Variants in ALK observed in about 807,000 individuals in gnomAD.
ALK encodes ALK tyrosine kinase receptor.
In ALK, 74 loss-of-function variants were observed where a neutral mutation model predicts 163.1. The observed-to-expected ratio is 0.45, with a 90% CI of 0.38 to 0.55. The LOEUF is 0.55. Among genes scored for constraint, ALK ranks in the 20% least tolerant of loss-of-function variants. ALK has a pLI of 0.00. For missense variants in ALK, 2,063 were observed against 2,105.3 expected (o/e 0.98, Z 0.39); for synonymous variants, 960 against 843.2 (o/e 1.14, Z -2.40).
At chr2:29,668,199 T>A (rs1335428818) in intron 3 of ALK, among the ~76,000 whole-genome samples, 1 of 152,004 alleles carries the variant, frequency 6.6e-6, no homozygotes, top group Admixed American at 6.6e-5. Flanking sequence ...TAGATAAATG[T>A]CAATTTTGTT....
At chr2:29,446,708 C>G (rs998782131) in intron 4 of ALK, among the ~76,000 whole-genome samples, 4 of 152,092 alleles carry the variant, frequency 2.6e-5, no homozygotes, top group African/African-American at 9.7e-5. Context: ...TTTTTGAAAG[C>G]ACTATGCAAA....
chr2:29,909,112 A>C (rs1667629249), intron 1 of ALK, among the ~76,000 whole-genome samples: 1 of 152,220 alleles, frequency 6.6e-6, no homozygotes, highest in Admixed American at 6.5e-5. Flanking sequence ...CTAGATCCCA[A>C]AGCTTATCAT....
At chr2:29,898,720 CTTTG>C (rs923547592) in intron 1 of ALK, among the ~76,000 whole-genome samples, 10 of 152,172 alleles carry the variant, frequency 6.6e-5, no homozygotes, top group African/African-American at 2.4e-4. Context: ...ACATGGTAAG[CTTTG>C]GGTGTACCCA....
chr2:29,347,111 T>C (rs970064448), intron 5 of ALK, among the ~76,000 whole-genome samples: 11 of 152,218 alleles, frequency 7.2e-5, no homozygotes, highest in African/African-American at 1.4e-4. Context: ...AACAACTCTA[T>C]GACATGGAAC....
At chr2:29,705,262 T>TATATATATATATATATATATATAA (rs1678868365) in intron 2 of ALK, among the ~76,000 whole-genome samples, 1 of 73,110 alleles carries the variant, frequency 1.4e-5, no homozygotes, top group Non-Finnish European at 3.0e-5. Context: ...TATATATATA[T>TATATATATATATATATATATATAA]ATATATATAT....
chr2:29,285,579 T>TC (rs1162343474), intron 9 of ALK, among the ~76,000 whole-genome samples: 1 of 150,308 alleles, frequency 6.7e-6, no homozygotes, highest in Non-Finnish European at 1.5e-5. Context: ...CTTTTTTTTT[T>TC]TGGAATGGAG....
intron 3 of ALK, among the ~76,000 whole-genome samples, chr2:29,623,283 T>G (rs1262535225): frequency 6.6e-6 from 1 of 152,160 alleles, no homozygotes; most frequent in Non-Finnish European, 1.5e-5. Flanking sequence ...TTACTTAAAA[T>G]AGAAATGCCT....
intron 3 of ALK, among the ~76,000 whole-genome samples, chr2:29,534,544 G>A (rs976832552): frequency 6.6e-6 from 1 of 152,134 alleles, no homozygotes; most frequent in Non-Finnish European, 1.5e-5. Context: ...ACTGTGTCCT[G>A]GTCTGAGACC....
intron 3 of ALK, among the ~76,000 whole-genome samples, chr2:29,657,978 A>G (rs1038653244): frequency 4.6e-5 from 7 of 152,088 alleles, no homozygotes; most frequent in East Asian, 3.9e-4. Context: ...GTCTCACTCA[A>G]CTGAACAGCT....
chr2:29,725,154 C>CCAAAAAAAAAA (rs1553352985), intron 1 of ALK, among the ~76,000 whole-genome samples: 1 of 67,396 alleles, frequency 1.5e-5, no homozygotes, highest in African/African-American at 6.8e-5. Context: ...TATCCTATAC[C>CCAAAAAAAAAA]AAAAAAAAAA....
At chr2:29,760,313 G>C (rs1421229379) in intron 1 of ALK, among the ~76,000 whole-genome samples, 1 of 152,064 alleles carries the variant, frequency 6.6e-6, no homozygotes, top group Non-Finnish European at 1.5e-5. Flanking sequence ...TTACTAACTG[G>C]GCAACTCCAG....
intron 4 of ALK, among the ~76,000 whole-genome samples, chr2:29,421,263 T>C (rs76708937): frequency 0.029 from 4,439 of 151,568 alleles, 395 homozygotes; most frequent in African/African-American, 0.099. Context: ...AGCCTTAGTT[T>C]AGCTCCAAGT....
intron 5 of ALK, among the ~76,000 whole-genome samples, chr2:29,332,104 G>A (rs990962545): frequency 1.3e-5 from 2 of 151,584 alleles, no homozygotes; most frequent in Admixed American, 6.6e-5. Context: ...GGCTAACATG[G>A]TGAAACCCCG....
intron 5 of ALK, among the ~76,000 whole-genome samples, chr2:29,343,011 T>C (rs915784783): frequency 6.7e-6 from 1 of 148,898 alleles, no homozygotes; most frequent in African/African-American, 2.5e-5. Context: ...GCCTCCCGAG[T>C]AGCTGGAACT....
At chr2:29,896,889 G>A (rs1400505295) in intron 1 of ALK, among the ~76,000 whole-genome samples, 2 of 152,166 alleles carry the variant, frequency 1.3e-5, no homozygotes, top group Non-Finnish European at 2.9e-5. Flanking sequence ...TGGAAATATT[G>A]GGAAGAATAC....
intron 3 of ALK, among the ~76,000 whole-genome samples, chr2:29,647,923 G>A (rs1341816955): frequency 6.6e-6 from 1 of 151,798 alleles, no homozygotes; most frequent in Non-Finnish European, 1.5e-5. Flanking sequence ...AACCCAATGT[G>A]TCATTCATTA....
At chr2:29,373,622 G>T (rs1534544) in intron 5 of ALK, among the ~76,000 whole-genome samples, 104,940 of 152,170 alleles carry the variant, frequency 0.69, 36,801 homozygotes, top group East Asian at 0.86. Context: ...GCACTTCATG[G>T]GGCATTTTAA....
At chr2:29,367,151 T>G (rs1210072235) in intron 5 of ALK, among the ~76,000 whole-genome samples, 1 of 152,182 alleles carries the variant, frequency 6.6e-6, no homozygotes, top group Non-Finnish European at 1.5e-5. Flanking sequence ...AGTGTGTGCA[T>G]CCAGTATGTG....
At chr2:29,427,629 T>C (rs1211537926) in intron 4 of ALK, among the ~76,000 whole-genome samples, 1 of 151,418 alleles carries the variant, frequency 6.6e-6, no homozygotes, top group East Asian at 1.9e-4. Context: ...GAAAACAGTA[T>C]GAGATAAAAA....
Sources: gnomAD v4.1 joint callset for allele counts (sites outside exome capture counted in the v4.1 genomes callset) on GRCh38, gnomAD v4.1.1 for gene constraint, MANE v1.5 for transcripts, NCBI Gene and HGNC (gene_info 2026-07-23, HGNC 2026-07-21) for gene names.